The following TM6SF1 variants were observed in gnomAD, a reference collection of about 807,000 sequenced individuals.
TM6SF1 encodes the protein transmembrane 6 superfamily member 1.
In TM6SF1, 43 loss-of-function variants were observed where a neutral mutation model predicts 47.1. That is an observed-to-expected ratio of 0.91 (90% CI 0.72 to 1.18). The LOEUF (loss-of-function observed/expected upper bound fraction) is 1.18. TM6SF1 is among the 50% of genes most tolerant of loss of function. The pLI is 0.00. For synonymous variants in TM6SF1, 177 were observed against 166.3 expected (o/e 1.06, Z -0.49); for missense variants, 390 against 449.0 (o/e 0.87, Z 1.19).
At chr15:83,127,535 T>C in intron 9 of TM6SF1, 58 bp downstream of exon 9, 7 of 1,597,326 alleles carry the variant, frequency 4.4e-6, no homozygotes, top group Non-Finnish European at 6.0e-6. Flanking sequence ...AATTGTTGAA[T>C]ATATGAAAAA....
chr15:83,111,003 G>A (rs969747917), intron 1 of TM6SF1, among the ~76,000 whole-genome samples: 13 of 151,942 alleles, frequency 8.6e-5, no homozygotes, highest in Admixed American at 5.2e-4. Flanking sequence ...CCCAAGTAGC[G>A]GGGATTACAG....
In TM6SF1 at chr15:83,107,868, C is replaced by A; in HGVS notation, c.92+96C>A. The A allele has an allele frequency of 7.1e-7, 1 of 1,406,682 alleles. No individual in the cohort carries two copies. Among genetic ancestry groups the A allele is most frequent in the South Asian group, 1.5e-5 (1 of 66,236 alleles). The allele number at this position is 1,406,682 out of a possible 1,614,324, so 87.1% of individuals were successfully genotyped here. ...GCAACTTTTCCGAGGGGGCTGGGAC[C>A]GTCCGCCGCGGGACAGAGGTTCGTG... On this transcript the variant is annotated intron_variant, in intron 1 of 9. Transcript: ENST00000322019. This position sits in a 1 kb window ranked among gnomAD's most constrained non-coding sequence, Gnocchi z 5.6.
chr15:83,112,594 T>G, intron 1 of TM6SF1: 2 of 599,790 alleles, frequency 3.3e-6, no homozygotes, highest in Non-Finnish European at 6.0e-6. Flanking sequence ...CTTCGGTCCC[T>G]GAAAGTCATG....
chr15:83,118,811 GAC>G (rs2034942774), intron 3 of TM6SF1, among the ~76,000 whole-genome samples: 4 of 152,174 alleles, frequency 2.6e-5, no homozygotes. Context: ...GAAAATTGAT[GAC>G]AGTGATTTTC....
rs745698957 is a variant in TM6SF1, at chr15:83,124,709, G to A, written c.641G>A (p.Arg214Lys). 2 of 1,614,098 alleles carry A rather than the reference G, an allele frequency of 1.2e-6. No homozygotes were observed. Among genetic ancestry groups the A allele is most frequent in the Non-Finnish European group, 8.5e-7 (1 of 1,180,002 alleles). Residue 214 changes from arginine (R) to lysine (K), a missense_variant, in exon 7 of 10, where the codon AGA (arginine) becomes AAA (lysine). Coordinates refer to ENST00000322019, the MANE Select transcript of TM6SF1 (RefSeq NM_023003.5). ...GCCCAAGCGAAAGACCTGCTGAGAAGACCATTTGATTTAATGTTGGTTGTG... is the reference window on the plus strand; with the variant it reads ...GCCCAAGCGAAAGACCTGCTGAGAAAACCATTTGATTTAATGTTGGTTGTG... ...QEAQAKDLLR[R>K]PFDLMLVVCL...
intron 8 of TM6SF1, 101 bp from the exon 9 acceptor site, chr15:83,127,257 T>G (rs557414098): frequency 2.4e-6 from 3 of 1,260,946 alleles, no homozygotes; most frequent in South Asian, 3.8e-5. Flanking sequence ...GAAATAGGAA[T>G]TAATATTTTC....
intron 4 of TM6SF1, 25 bp from the exon 5 acceptor site, chr15:83,121,896 G>T (rs951730974): frequency 1.3e-6 from 2 of 1,565,120 alleles, no homozygotes; most frequent in African/African-American, 1.4e-5. Context: ...ACCAAGTCAA[G>T]ATTTTTTTGT....
chr15:83,110,011 T>C (rs1203017102), intron 1 of TM6SF1, among the ~76,000 whole-genome samples: 1 of 152,176 alleles, frequency 6.6e-6, no homozygotes, highest in Non-Finnish European at 1.5e-5. Context: ...CTGCCCCGGC[T>C]ATAGCTCACC....
At chr15:83,122,619 T>A in intron 5 of TM6SF1, 138 bp from the exon 6 acceptor site, 1 of 859,558 alleles carries the variant, frequency 1.2e-6, no homozygotes, top group Admixed American at 2.7e-5. Flanking sequence ...TAAATTGACC[T>A]TTTTAATTTG....
In TM6SF1 at chr15:83,112,779, C is replaced by T. The variant is rs1196557733; in HGVS notation, c.93-18C>T. The stretch of plus-strand genomic sequence containing the variant: ...GTTTATTTTGATAGTGACCACCTCC[C>T]TGTTCTGGTCGTTGCAGTTCCTGGA... On this transcript the variant is annotated intron_variant, in intron 1 of 9. Transcript: ENST00000322019. The T allele has an allele frequency of 6.3e-7, 1 of 1,581,704 alleles. No homozygotes were observed. The highest frequency in any genetic ancestry group is 8.7e-7 in the Non-Finnish European group (1 of 1,150,342).
At chr15:83,119,755 C>A in intron 4 of TM6SF1, 74 bp downstream of exon 4, 1 of 1,598,828 alleles carries the variant, frequency 6.3e-7, no homozygotes, top group Non-Finnish European at 8.5e-7. Flanking sequence ...AAACGTTATG[C>A]ATAGAGGCAA....
chr15:83,127,657 AACTATATGG>A (rs1462118932), intron 9 of TM6SF1, 180 bp downstream of exon 9: 2 of 611,398 alleles, frequency 3.3e-6, no homozygotes, highest in African/African-American at 1.9e-5. Flanking sequence ...ATCTCACAAT[AACTATATGG>A]TAGATGTGCC....
At chr15:83,135,384 C>G (rs1443439510) in intron 9 of TM6SF1, 1 of 152,162 alleles carries the variant, frequency 6.6e-6, no homozygotes, top group Admixed American at 6.5e-5. Context: ...ATTCTTGTTA[C>G]TTCTATGCCT....
chr15:83,115,689 T>C (rs1474629282), intron 2 of TM6SF1, 156 bp from the exon 3 acceptor site: 1 of 705,170 alleles, frequency 1.4e-6, no homozygotes, highest in South Asian at 1.5e-5. Flanking sequence ...TCCAGCTGGG[T>C]GTGTAGAAGG....
chr15:83,107,794 G>T lies in TM6SF1; in HGVS notation c.92+22G>T, dbSNP rs756692490. On this transcript the variant is annotated intron_variant, in intron 1 of 9. Coordinates refer to ENST00000322019, the MANE Select transcript of TM6SF1 (RefSeq NM_023003.5). This position sits in a 1 kb window ranked among gnomAD's most constrained non-coding sequence, Gnocchi z 5.6. Reference sequence around the variant, plus strand: ...ATGAGTGAGTGAGCCGGCGCGGCGGGGGTCGCGCCGAGGGGCGGCGGGAGT... The same window carrying T: ...ATGAGTGAGTGAGCCGGCGCGGCGGTGGTCGCGCCGAGGGGCGGCGGGAGT... The T allele has an allele frequency of 3.8e-6, 6 of 1,566,998 alleles. No homozygotes were observed. The highest frequency in any genetic ancestry group is 5.2e-6 in the Non-Finnish European group (6 of 1,158,264).
chr15:83,126,956 G>T, intron 8 of TM6SF1, 109 bp downstream of exon 8: 1 of 802,036 alleles, frequency 1.2e-6, no homozygotes, highest in Middle Eastern at 2.7e-4. Context: ...ACTTTGGGAG[G>T]CCGAGGCAGG....
chr15:83,126,599 TG>T (rs2035766396), intron 7 of TM6SF1, among the ~76,000 whole-genome samples, 155 bp from the exon 8 acceptor site: 1 of 152,222 alleles, frequency 6.6e-6, no homozygotes, highest in African/African-American at 2.4e-5. Context: ...AGAACAAATC[TG>T]CAAAATATTT....
At chr15:83,122,333 C>A (rs1395829832) in intron 5 of TM6SF1, among the ~76,000 whole-genome samples, 2 of 151,420 alleles carry the variant, frequency 1.3e-5, no homozygotes, top group African/African-American at 4.9e-5. Flanking sequence ...ATGAGAACTC[C>A]AAAAATGTAC....
intron 2 of TM6SF1, 32 bp from the exon 3 acceptor site, chr15:83,115,811 ATT>A: frequency 7.0e-7 from 1 of 1,431,064 alleles, no homozygotes; most frequent in Middle Eastern, 1.8e-4. Flanking sequence ...CTCCTGAGCT[ATT>A]GCTTTTTAAA....
Sources: allele counts gnomAD v4.1 joint callset (sites outside exome capture counted in the v4.1 genomes callset), GRCh38; gene constraint gnomAD v4.1.1; non-coding constraint Gnocchi (gnomAD v3.1); transcripts MANE v1.5; gene names NCBI Gene and HGNC (gene_info 2026-07-23, HGNC 2026-07-21).